Variants in PYGO1 observed in about 807,000 individuals in gnomAD.
The protein encoded by PYGO1 is pygopus homolog 1.
PYGO1 carries 6 observed loss-of-function variants against 29.5 expected under a neutral mutation model. That is an observed-to-expected ratio of 0.20 (90% confidence interval 0.11 to 0.40). The LOEUF is 0.40. PYGO1 is among the 10% of genes least tolerant of loss of function. The probability of loss-of-function intolerance (pLI) is 1.00; values close to 1 mark genes in which losing one functional copy is unlikely to be tolerated. For synonymous variants in PYGO1, 186 were observed against 180.5 expected, an observed-to-expected ratio of 1.03 and a Z score of -0.24; for missense variants, 515 against 514.9, an observed-to-expected ratio of 1.00 and a Z score of 0.00.
chr15:55,571,881 T>A (rs1222959830), intron 1 of PYGO1, among the ~76,000 whole-genome samples: 1 of 151,842 alleles, frequency 6.6e-6, no homozygotes, highest in Non-Finnish European at 1.5e-5. Context: ...TGGAATTTAT[T>A]TTGGGATAAT....
Position 55,587,948 on chromosome 15 carries a change from G to A in PYGO1, c.-65C>T, listed in dbSNP as rs2059056225. 1 of 1,446,868 alleles carries A rather than the reference G, an allele frequency of 6.9e-7. No homozygotes were observed. The highest frequency in any genetic ancestry group is 9.1e-7 in the Non-Finnish European group (1 of 1,095,946). The allele number at this position is 1,446,868 out of a possible 1,614,324, so 89.6% of individuals were successfully genotyped here. On this transcript the variant is annotated 5_prime_UTR_variant, in exon 1 of 3. Transcript: ENST00000563719. ...ATTCGGTCTCTTTGATGCTGCGGCG[G>A]CGGCTCCTCCTCCTCGCGGGGCCGC...
In PYGO1 at chr15:55,581,929, G is replaced by A. The variant is rs372412159; in HGVS notation, c.49+5906C>T. Among the ~76,000 whole-genome samples, 265 of 152,236 alleles carry A rather than the reference G, an allele frequency of 1.7e-3. 1 individual carries two copies. The highest frequency in any genetic ancestry group is 6.0e-3 in the African/African-American group (249 of 41,524). On this transcript the variant is annotated intron_variant, in intron 1 of 2. Transcript: ENST00000563719. ...GGGTTCAAAACATTAAGGAGAGGCC[G>A]GGCGCAGTGGCTCATGCCTACAATC...
chr15:55,549,670 T>C (rs2141647303), intron 1 of PYGO1, among the ~76,000 whole-genome samples: 1 of 152,302 alleles, frequency 6.6e-6, no homozygotes, highest in South Asian at 2.1e-4. Context: ...TTAAAGATAA[T>C]GTTAAAAATG....
chr15:55,588,541 C>A (rs890645403), upstream of PYGO1, among the ~76,000 whole-genome samples: 2 of 147,228 alleles, frequency 1.4e-5, no homozygotes, highest in African/African-American at 2.4e-5. Context: ...GCCCAGCCCC[C>A]ACGGCCCGCG....
intron 1 of PYGO1, among the ~76,000 whole-genome samples, chr15:55,559,159 A>G (rs925228685): frequency 6.6e-6 from 1 of 152,190 alleles, no homozygotes; most frequent in Non-Finnish European, 1.5e-5. Flanking sequence ...CCCCATCGAA[A>G]CGCGGGTGAA....
At chr15:55,578,876 G>A (rs1454844484) in intron 1 of PYGO1, among the ~76,000 whole-genome samples, 1 of 152,004 alleles carries the variant, frequency 6.6e-6, no homozygotes, top group Non-Finnish European at 1.5e-5. Flanking sequence ...TTCTTCTTTG[G>A]TTAATTGAGT....
intron 1 of PYGO1, among the ~76,000 whole-genome samples, chr15:55,570,223 G>C (rs1397529624): frequency 2.0e-5 from 3 of 152,088 alleles, no homozygotes; most frequent in East Asian, 3.9e-4. Context: ...AATTCCATTG[G>C]ATACTCATTT....
chr15:55,583,364 G>T (rs2059033161), intron 1 of PYGO1, among the ~76,000 whole-genome samples: 1 of 146,786 alleles, frequency 6.8e-6, no homozygotes. Context: ...ATACGTTTAA[G>T]TCTTTTTCCA....
chr15:55,557,061 T>C (rs2058909273), intron 1 of PYGO1, among the ~76,000 whole-genome samples: 2 of 151,224 alleles, frequency 1.3e-5, no homozygotes, highest in African/African-American at 4.9e-5. Context: ...CTACCAGAGG[T>C]ACAACTGAAA....
chr15:55,569,430 G>A (rs1236293289), intron 1 of PYGO1, among the ~76,000 whole-genome samples: 2 of 152,038 alleles, frequency 1.3e-5, no homozygotes, highest in Non-Finnish European at 2.9e-5. Flanking sequence ...TGCTACATAT[G>A]CTCCTTTTAA....
chr15:55,558,815 C>A (rs1195915941), intron 1 of PYGO1, among the ~76,000 whole-genome samples: 1 of 151,964 alleles, frequency 6.6e-6, no homozygotes, highest in Non-Finnish European at 1.5e-5. Flanking sequence ...CTTCCTTACA[C>A]CTTATACAAA....
chr15:55,586,697 A>G (rs2059048128), intron 1 of PYGO1, among the ~76,000 whole-genome samples: 1 of 152,152 alleles, frequency 6.6e-6, no homozygotes, highest in African/African-American at 2.4e-5. Flanking sequence ...GTTGCTTTTC[A>G]GAGACTGCTC....
intron 1 of PYGO1, among the ~76,000 whole-genome samples, chr15:55,573,876 TAAGA>T (rs1367493487): frequency 3.9e-5 from 6 of 152,324 alleles, no homozygotes; most frequent in South Asian, 2.1e-4. Flanking sequence ...TGAGAAATCA[TAAGA>T]AAGAGAAAAT....
In PYGO1 at chr15:55,544,458, T is replaced by A. The variant is rs932623777; in HGVS notation, c.*1565A>T. ...CTAAAATGGACATGACAAAATTTCA[T>A]AGCCCAAGTCACTTAACTTTGCTTT... On this transcript the variant is annotated 3_prime_UTR_variant, in exon 3 of 3. Coordinates refer to ENST00000563719, the MANE Select transcript of PYGO1 (RefSeq NM_001367806.1). 2.0e-5 allele frequency: 3 copies of A among 152,190 alleles called. No homozygotes were observed. Among genetic ancestry groups the A allele is most frequent in the African/African-American group, 7.2e-5 (3 of 41,452 alleles). The allele number at this position is 152,190 out of a possible 1,614,324, so 9.4% of individuals were successfully genotyped here. A position where few individuals can be genotyped will look rare whatever the true frequency, so the allele number is the denominator to read the frequency against.
At position 55,546,065 on chromosome 15, in the gene PYGO1, A is replaced by T. The variant is rs756968081; in HGVS notation, c.1218T>A (p.Thr406=). The change falls in exon 3 of 3, where the codon ACT becomes ACA. Residue 406 remains threonine, a synonymous_variant. Coordinates refer to ENST00000563719, the MANE Select transcript of PYGO1 (RefSeq NM_001367806.1). The part of the protein sequence containing the change: ...MADKDVQLMR[T]RETFGPSAVG... ...CTGCAGATGGACCAAAAGTTTCTCT[A>T]GTACGCATTAACTGGACATCTTTGT... The T allele has an allele frequency of 6.2e-7, 1 of 1,614,044 alleles. No individual in the cohort carries two copies. The highest frequency in any genetic ancestry group is 1.7e-5 in the Admixed American group (1 of 60,016).
intron 1 of PYGO1, among the ~76,000 whole-genome samples, chr15:55,568,303 G>C (rs2058965445): frequency 7.2e-6 from 1 of 139,806 alleles, no homozygotes; most frequent in African/African-American, 2.8e-5. Context: ...CAATGGTTAA[G>C]ACGTATTTCC....
At chr15:55,573,009 A>T (rs1482478836) in intron 1 of PYGO1, among the ~76,000 whole-genome samples, 2 of 9,620 alleles carry the variant, frequency 2.1e-4, no homozygotes, top group Non-Finnish European at 6.5e-3. Context: ...CTCTGTCTTT[A>T]AAAAAAAAAA....
chr15:55,563,014 T>C (rs2058939981), intron 1 of PYGO1, among the ~76,000 whole-genome samples: 1 of 151,622 alleles, frequency 6.6e-6, no homozygotes. Flanking sequence ...AGGGAGAGCA[T>C]CGTGACCTTG....
intron 1 of PYGO1, among the ~76,000 whole-genome samples, chr15:55,570,524 TAA>T (rs11409320): frequency 4.0e-5 from 6 of 148,864 alleles, no homozygotes; most frequent in African/African-American, 1.2e-4. Flanking sequence ...TTTCATATAC[TAA>T]AAAAAAAAAC....
Sources: allele counts gnomAD v4.1 joint callset (sites outside exome capture counted in the v4.1 genomes callset), GRCh38; gene constraint gnomAD v4.1.1; transcripts MANE v1.5; gene names NCBI Gene and HGNC (gene_info 2026-07-23, HGNC 2026-07-21).